Variants in RBM33 observed in about 807,000 individuals in gnomAD.
The protein encoded by RBM33 is RNA-binding protein 33.
A neutral mutation model predicts 132.6 loss-of-function variants in RBM33; 28 were observed. That is an observed-to-expected ratio of 0.21 (90% CI 0.16 to 0.29). The LOEUF (loss-of-function observed/expected upper bound fraction) is 0.29. RBM33 is among the 10% of genes least tolerant of loss of function. RBM33 has a pLI of 1.00. For synonymous variants in RBM33, 634 were observed against 593.0 expected (o/e 1.07, Z -1.01); for missense variants, 1,291 against 1,518.5 (o/e 0.85, Z 2.49).
chr7:155,736,097 C>T lies in RBM33; in HGVS notation c.1261-1433C>T, dbSNP rs1235319410. Among the ~76,000 whole-genome samples the T allele has an allele frequency of 2.0e-5, 3 of 152,286 alleles. No individual in the cohort carries two copies. The East Asian group carries it at 5.8e-4, about 29-fold the overall frequency. ...CATTTCTTTATTATTTTGTAGCCAA[C>T]AATCTTAAGGGTTTGTGGTGTTTAT... On this transcript the variant is annotated intron_variant, in intron 9 of 17. Transcript: ENST00000401878.
chr7:155,652,240 G>C (rs930647360), intron 1 of RBM33, among the ~76,000 whole-genome samples: 1 of 152,218 alleles, frequency 6.6e-6, no homozygotes, highest in African/African-American at 2.4e-5. Context: ...TAAAGGGTCA[G>C]ATAGTAAATA....
intron 14 of RBM33, among the ~76,000 whole-genome samples, chr7:155,749,877 A>G (rs1319205049): frequency 6.6e-6 from 1 of 152,236 alleles, no homozygotes; most frequent in Non-Finnish European, 1.5e-5. Context: ...ATCCTTGAAC[A>G]TTTCTGTGTG....
intron 9 of RBM33, among the ~76,000 whole-genome samples, chr7:155,718,800 T>C (rs1021541133): frequency 7.9e-5 from 12 of 152,198 alleles, no homozygotes; most frequent in African/African-American, 2.9e-4. Context: ...CACGTGTGTT[T>C]GTGCATGTGT....
In RBM33 at chr7:155,777,231, G is replaced by A. The variant is rs1331741403; in HGVS notation, c.*2190G>A. 1.4e-4 allele frequency: 22 copies of A among 152,556 alleles called. No homozygotes were observed. Among genetic ancestry groups the A allele is most frequent in the Admixed American group, 1.4e-3 (22 of 15,280 alleles). 9.5% of individuals were successfully genotyped at this position (152,556 alleles called of 1,614,324 possible). On this transcript the variant is annotated 3_prime_UTR_variant, in exon 18 of 18. Transcript: ENST00000401878. ...CATGGCCACTGGAAGGTCTGTTTTG[G>A]TGTTACCTGAGTGTGACACAGGCCC...
Position 155,739,361 on chromosome 7 carries a change from C to T in RBM33, c.1738-354C>T, listed in dbSNP as rs151156427. ...TGCCATCGTTTGAGAGTGCTGTATG[C>T]GGTTCCCTTTCATGCTGTCTGTGTG... On this transcript the variant is annotated intron_variant, in intron 11 of 17. Coordinates refer to ENST00000401878, the MANE Select transcript of RBM33 (RefSeq NM_053043.3). 126 of 178,332 alleles carry T rather than the reference C, an allele frequency of 7.1e-4. 1 individual carries two copies. The highest frequency in any genetic ancestry group is 2.8e-3 in the African/African-American group (118 of 42,190). The allele number at this position is 178,332 out of a possible 1,614,324, so 11.0% of individuals were successfully genotyped here. A position where few individuals can be genotyped will look rare whatever the true frequency, so the allele number is the denominator to read the frequency against.
At chr7:155,729,823 C>T (rs569830400) in intron 9 of RBM33, among the ~76,000 whole-genome samples, 1 of 152,016 alleles carries the variant, frequency 6.6e-6, no homozygotes. Flanking sequence ...CAGTGATCAC[C>T]CCAGATCTTG....
chr7:155,647,769 T>C lies in RBM33; in HGVS notation c.43+2850T>C, dbSNP rs1453222129. 2.6e-5 allele frequency among the ~76,000 whole-genome samples: 4 copies of C among 152,116 alleles called. No individual in the cohort carries two copies. In the East Asian group the frequency reaches 7.7e-4, roughly 29 times the overall value. On this transcript the variant is annotated intron_variant, in intron 1 of 17. Coordinates refer to ENST00000401878, the MANE Select transcript of RBM33 (RefSeq NM_053043.3). ...TGGTATTGCAGCCAAGTAGTAAGGA[T>C]AGAGAAATGGAATTGCTATCCTTAC...
chr7:155,669,358 T>C (rs1198079327), intron 2 of RBM33, among the ~76,000 whole-genome samples: 3 of 152,106 alleles, frequency 2.0e-5, no homozygotes, highest in Non-Finnish European at 4.4e-5. Context: ...CAAAAAGTTT[T>C]TGTTTGTTTT....
chr7:155,731,266 G>A (rs1012984001), intron 9 of RBM33, among the ~76,000 whole-genome samples: 17 of 152,184 alleles, frequency 1.1e-4, no homozygotes, highest in African/African-American at 4.1e-4. Flanking sequence ...TGCAGCAGCC[G>A]CATGGCCAGT....
chr7:155,769,687 T>C (rs1172042692), intron 16 of RBM33, among the ~76,000 whole-genome samples: 4 of 152,004 alleles, frequency 2.6e-5, no homozygotes, highest in Non-Finnish European at 5.9e-5. Flanking sequence ...GACAGCCCCT[T>C]TACGTCTGGT....
intron 1 of RBM33, among the ~76,000 whole-genome samples, chr7:155,658,540 A>G (rs568019954): frequency 1.3e-5 from 2 of 152,170 alleles, no homozygotes; most frequent in South Asian, 4.1e-4. Context: ...AGCTGGGATA[A>G]CAGGCGCTCG....
intron 14 of RBM33, among the ~76,000 whole-genome samples, chr7:155,750,730 G>GT (rs1801663500): frequency 6.7e-6 from 1 of 150,338 alleles, no homozygotes; most frequent in African/African-American, 2.5e-5. Context: ...AAAAGAAAAT[G>GT]GTTTTTTTTT....
intron 14 of RBM33, among the ~76,000 whole-genome samples, chr7:155,749,040 TA>T (rs1367350994): frequency 7.2e-5 from 11 of 152,172 alleles, no homozygotes; most frequent in African/African-American, 2.7e-4. Context: ...TGTGATGGGG[TA>T]AAACAGTGTG....
intron 1 of RBM33, among the ~76,000 whole-genome samples, chr7:155,663,334 G>A (rs942590431): frequency 6.6e-6 from 1 of 152,014 alleles, no homozygotes; most frequent in African/African-American, 2.4e-5. Flanking sequence ...TCATGGTTCT[G>A]TAGGCTGTAC....
chr7:155,762,531 A>G (rs1005993629), intron 14 of RBM33, among the ~76,000 whole-genome samples: 1 of 152,216 alleles, frequency 6.6e-6, no homozygotes, highest in Non-Finnish European at 1.5e-5. Context: ...TTTTCATGCC[A>G]CGTATTCCTG....
chr7:155,705,334 C>T (rs1349657452), intron 6 of RBM33, among the ~76,000 whole-genome samples: 1 of 152,200 alleles, frequency 6.6e-6, no homozygotes, highest in Non-Finnish European at 1.5e-5. Flanking sequence ...TCTTGACACT[C>T]AGAACCACTA....
chr7:155,733,642 A>C (rs1365862214), intron 9 of RBM33, among the ~76,000 whole-genome samples: 1 of 152,190 alleles, frequency 6.6e-6, no homozygotes, highest in Non-Finnish European at 1.5e-5. Flanking sequence ...CTTAGAAAGC[A>C]TTGGTTCTTG....
In RBM33 at chr7:155,766,558, G is replaced by A. The variant is rs1296298094; in HGVS notation, c.3278G>A (p.Cys1093Tyr). The stretch of plus-strand genomic sequence containing the variant: ...AAGCAGAACCTGCGGGTGGTGGAGT[G>A]CAAGCCCCAGCCCTGCGTGGTGTCT... ...PNKQNLRVVECKPQPCVVSVE... is the reference protein window; with the variant it reads ...PNKQNLRVVEYKPQPCVVSVE... Residue 1093 changes from cysteine to tyrosine, a missense_variant, in exon 16 of 18, where the codon TGC (cysteine) becomes TAC (tyrosine). Cys to Tyr is a radical substitution (Grantham distance 194). Around this residue, in one of 7 missense-constraint regions of RBM33, gnomAD observed 55 missense variants for 101.4 expected, o/e 0.54. Coordinates refer to ENST00000401878, the MANE Select transcript of RBM33 (RefSeq NM_053043.3). 6.2e-7 allele frequency: 1 copy of A among 1,613,464 alleles called. No homozygotes were observed. Among genetic ancestry groups the A allele is most frequent in the Admixed American group, 1.7e-5 (1 of 59,938 alleles).
intron 5 of RBM33, among the ~76,000 whole-genome samples, chr7:155,693,634 GTTCT>G (rs77487193): frequency 0.26 from 39,316 of 151,574 alleles, 6,372 homozygotes; most frequent in East Asian, 0.48. Flanking sequence ...ATGATGGCAG[GTTCT>G]TTGTGATGCT....
Sources: gnomAD v4.1 joint callset for allele counts (sites outside exome capture counted in the v4.1 genomes callset) on GRCh38, gnomAD v4.1.1 for gene constraint, gnomAD v4.1.1 regional missense constraint, MANE v1.5 for transcripts, NCBI Gene and HGNC (gene_info 2026-07-23, HGNC 2026-07-21) for gene names.